Variants in FA2H observed in about 807,000 individuals in gnomAD.
The protein encoded by FA2H is fatty acid alpha-hydroxylase.
Under a neutral mutation model 44.9 loss-of-function variants are expected in FA2H, and 22 were observed. The ratio of observed to expected loss-of-function variants is 0.49; its 90% CI spans 0.35 to 0.70. The LOEUF is 0.70. Among genes scored for constraint, FA2H ranks in the 30% least tolerant of loss-of-function variants. The pLI is 0.01. For synonymous variants in FA2H, 243 were observed against 213.2 expected (o/e 1.14, Z -1.22); for missense variants, 501 against 504.9 (o/e 0.99, Z 0.07).
At chr16:74,753,265 G>A (rs937581962) in intron 1 of FA2H, among the ~76,000 whole-genome samples, 5 of 152,232 alleles carry the variant, frequency 3.3e-5, no homozygotes, top group Non-Finnish European at 5.9e-5. Flanking sequence ...TTAGGCTCCA[G>A]ATCCTAGACT....
chr16:74,737,816 G>A (rs566531720), intron 2 of FA2H, among the ~76,000 whole-genome samples: 7 of 152,108 alleles, frequency 4.6e-5, no homozygotes, highest in Non-Finnish European at 2.9e-5. Context: ...CTCTTTCCCA[G>A]CTCCTCCATG....
At chr16:74,719,328 C>T (rs1175983627) in intron 4 of FA2H, among the ~76,000 whole-genome samples, 168 bp from the exon 5 acceptor site, 1 of 152,172 alleles carries the variant, frequency 6.6e-6, no homozygotes, top group African/African-American at 2.4e-5. Flanking sequence ...GGGAAGGAGG[C>T]TGTAGGACTC....
In FA2H at chr16:74,714,219, G is replaced by C; in HGVS notation, c.1090C>G (p.Pro364Ala). Residue 364 changes from proline (P) to alanine (A), a missense_variant, in exon 7 of 7, where the codon CCA (proline) becomes GCA (alanine). Coordinates refer to ENST00000219368, the MANE Select transcript of FA2H (RefSeq NM_024306.5). ...LWDYCFHTLT[P>A]EKPHLKTQ Reference sequence around the variant, plus strand: ...TGCGTCTTCAGGTGGGGTTTCTCTGGAGTGAGGGTGTGGAAACAGTAATCC... The same window carrying C: ...TGCGTCTTCAGGTGGGGTTTCTCTGCAGTGAGGGTGTGGAAACAGTAATCC... The C allele has an allele frequency of 6.4e-7, 1 of 1,566,554 alleles. No individual in the cohort carries two copies.
intron 6 of FA2H, among the ~76,000 whole-genome samples, chr16:74,716,070 T>A (rs1019417347): frequency 6.6e-5 from 10 of 152,120 alleles, no homozygotes; most frequent in African/African-American, 2.4e-4. Context: ...CTGCCTCGGC[T>A]TCCCAATCCC....
chr16:74,716,428 A>C lies in FA2H; in HGVS notation c.958T>G (p.Phe320Val). Residue 320 changes from phenylalanine to valine, a missense_variant, in exon 6 of 7, where the codon TTT becomes GTT. By Grantham distance (50) the Phe-to-Val change is conservative. Coordinates refer to ENST00000219368, the MANE Select transcript of FA2H (RefSeq NM_024306.5). The stretch of plus-strand genomic sequence containing the variant: ...TAGGAGCCCTTGTGCGGCGAGCCAA[A>C]GTGCAGGTAGTAATGGGTCATGTCA... Reference protein sequence around the residue: ...LYDMTHYYLHFGSPHKGSYLY... With the variant: ...LYDMTHYYLHVGSPHKGSYLY... 5 of 1,614,024 alleles carry C rather than the reference A, an allele frequency of 3.1e-6. No homozygotes were observed. Among genetic ancestry groups the C allele is most frequent in the Non-Finnish European group, 3.4e-6 (4 of 1,180,016 alleles).
At chr16:74,730,145 C>T (rs1408511985) in intron 2 of FA2H, among the ~76,000 whole-genome samples, 5 of 152,176 alleles carry the variant, frequency 3.3e-5, no homozygotes, top group Non-Finnish European at 7.3e-5. Flanking sequence ...CTGGTCTCGC[C>T]CATCACAGCC....
intron 1 of FA2H, among the ~76,000 whole-genome samples, chr16:74,768,693 C>T (rs79924295): frequency 0.2 from 30,560 of 152,060 alleles, 3,911 homozygotes; most frequent in Non-Finnish European, 0.29. Context: ...AACTCCAAGT[C>T]TTTCTGCACT....
chr16:74,733,274 G>A (rs1441886162), intron 2 of FA2H, among the ~76,000 whole-genome samples: 1 of 152,204 alleles, frequency 6.6e-6, no homozygotes, highest in African/African-American at 2.4e-5. Context: ...TTCTATGACT[G>A]GGGCCTCAGT....
intron 1 of FA2H, among the ~76,000 whole-genome samples, chr16:74,747,840 T>G (rs745876948): frequency 2.0e-5 from 3 of 152,172 alleles, no homozygotes; most frequent in Non-Finnish European, 4.4e-5. Flanking sequence ...TGTGACAGTT[T>G]GTTACAGCAG....
At chr16:74,747,248 C>A (rs1444581356) in intron 1 of FA2H, among the ~76,000 whole-genome samples, 2 of 151,326 alleles carry the variant, frequency 1.3e-5, no homozygotes, top group Non-Finnish European at 2.9e-5. Flanking sequence ...GAAATGGAGG[C>A]TGCAGTGAGC....
In FA2H at chr16:74,740,231, G is replaced by C. The variant is rs1458201688; in HGVS notation, c.271-116C>G. 1.3e-4 allele frequency: 102 copies of C among 800,770 alleles called. No individual in the cohort carries two copies. The East Asian group carries it at 2.4e-3, about 19-fold the overall frequency. The allele number at this position is 800,770 out of a possible 1,614,324, so 49.6% of individuals were successfully genotyped here. On this transcript the variant is annotated intron_variant, in intron 1 of 6. Coordinates refer to ENST00000219368, the MANE Select transcript of FA2H (RefSeq NM_024306.5). ...GGTGAGAGCCCCGTGGGTGGGGCAG[G>C]GTGGTGGAGATCAAGGACGCTGGGT...
chr16:74,771,080 G>C (rs996952065), intron 1 of FA2H, among the ~76,000 whole-genome samples: 1 of 152,134 alleles, frequency 6.6e-6, no homozygotes, highest in Non-Finnish European at 1.5e-5. Flanking sequence ...ACACCCTAAG[G>C]CTCCTTTCTA....
At chr16:74,726,135 T>C (rs528856746) in intron 4 of FA2H, 90 bp downstream of exon 4, 1 of 856,784 alleles carries the variant, frequency 1.2e-6, no homozygotes, top group African/African-American at 1.6e-5. Context: ...TTTGGGGTTC[T>C]GTGCTCTCAG....
intron 4 of FA2H, among the ~76,000 whole-genome samples, chr16:74,725,025 G>A (rs1193337420): frequency 3.9e-5 from 6 of 152,206 alleles, no homozygotes; most frequent in Non-Finnish European, 8.8e-5. Context: ...GACAGTGGGT[G>A]ATTCAGCGAG....
At chr16:74,719,495 C>T (rs755526138) in intron 4 of FA2H, among the ~76,000 whole-genome samples, 9 of 151,954 alleles carry the variant, frequency 5.9e-5, no homozygotes, top group African/African-American at 1.7e-4. Flanking sequence ...GAAGAGAAGG[C>T]GACACTCCTG....
chr16:74,714,404 G>A (rs964959621), intron 6 of FA2H, 135 bp from the exon 7 acceptor site: 25 of 704,678 alleles, frequency 3.5e-5, no homozygotes, highest in African/African-American at 7.0e-5. Flanking sequence ...CCCAACTCCC[G>A]AGGCCATTCT....
intron 1 of FA2H, among the ~76,000 whole-genome samples, chr16:74,759,028 A>G (rs75204629): frequency 1.6e-3 from 244 of 152,306 alleles, no homozygotes; most frequent in African/African-American, 5.7e-3. Flanking sequence ...CTGCCTTATC[A>G]GGTCACGTCC....
chr16:74,772,289 C>A (rs1427101705), intron 1 of FA2H, among the ~76,000 whole-genome samples: 4 of 152,204 alleles, frequency 2.6e-5, no homozygotes, highest in African/African-American at 9.6e-5. Context: ...TGCCACCTGG[C>A]TAAGCCCAGC....
chr16:74,718,953 A>C, intron 5 of FA2H, 35 bp downstream of exon 5: 1 of 1,610,758 alleles, frequency 6.2e-7, no homozygotes, highest in South Asian at 1.1e-5. Context: ...CGGGCTGCAC[A>C]TGCTAGGTCC....
Sources: allele counts gnomAD v4.1 joint callset (sites outside exome capture counted in the v4.1 genomes callset), GRCh38; gene constraint gnomAD v4.1.1; transcripts MANE v1.5; gene names NCBI Gene and HGNC (gene_info 2026-07-23, HGNC 2026-07-21).